Variants in TNS1 observed in about 807,000 individuals in gnomAD.
TNS1 encodes the protein tensin 1.
Under a neutral mutation model 168.6 loss-of-function variants are expected in TNS1, and 62 were observed. The ratio of observed to expected loss-of-function variants is 0.37; its 90% CI spans 0.30 to 0.45. TNS1 has a LOEUF of 0.45. Among genes scored for constraint, TNS1 ranks in the 20% least tolerant of loss-of-function variants. The pLI, the probability that TNS1 is intolerant of heterozygous loss-of-function variation, is 1.00. For missense variants in TNS1, 2,240 were observed against 2,339.4 expected, an observed-to-expected ratio of 0.96 and a Z score of 0.88; for synonymous variants, 934 against 933.2, an observed-to-expected ratio of 1.00 and a Z score of -0.02.
intron 6 of TNS1, chr2:217,901,584 CT>C (rs1952985819): frequency 6.6e-6 from 1 of 152,224 alleles, no homozygotes; most frequent in Admixed American, 6.5e-5. Context: ...CCATTGACAC[CT>C]TCCAAACACC....
At chr2:218,014,245 G>A (rs372822423), upstream of TNS1, among the ~76,000 whole-genome samples, 25 of 152,252 alleles carry the variant, frequency 1.6e-4, no homozygotes, top group East Asian at 3.5e-3. Flanking sequence ...CACTCCCCGG[G>A]GACCCCCCAG....
chr2:217,896,260 G>A (rs1427919981), intron 8 of TNS1, among the ~76,000 whole-genome samples: 2 of 152,196 alleles, frequency 1.3e-5, no homozygotes, highest in African/African-American at 2.4e-5. Context: ...TAACAGGTGG[G>A]TCTCTATAGT....
chr2:218,023,713 A>G (rs1016759749), intron 1 of TNS1, among the ~76,000 whole-genome samples: 2 of 152,202 alleles, frequency 1.3e-5, no homozygotes, highest in Non-Finnish European at 2.9e-5. Context: ...ACGGAGGCTC[A>G]CAGTATCAGT....
chr2:217,823,178 C>A (rs1559172543), intron 22 of TNS1, among the ~76,000 whole-genome samples: 1 of 152,204 alleles, frequency 6.6e-6, no homozygotes, highest in African/African-American at 2.4e-5. Flanking sequence ...GGCCAGTACA[C>A]TTTTTTGTAA....
Position 217,818,271 on chromosome 2 carries a change from G to A in TNS1, c.4061C>T (p.Pro1354Leu), listed in dbSNP as rs779890703. 6.2e-7 allele frequency: 1 copy of A among 1,613,580 alleles called. No individual in the cohort carries two copies. Among genetic ancestry groups the A allele is most frequent in the Admixed American group, 1.7e-5 (1 of 60,002 alleles). Reference protein sequence around the residue: ...TPGSPSLCRHPAGVYQVSGLH... With the variant: ...TPGSPSLCRHLAGVYQVSGLH... Reference sequence around the variant, plus strand: ...GCCAGAAACCTGGTAGACCCCTGCTGGGTGCCGACACAGGCTGGGGCTCCC... The same window carrying A: ...GCCAGAAACCTGGTAGACCCCTGCTAGGTGCCGACACAGGCTGGGGCTCCC... Residue 1354 changes from proline (P) to leucine (L), a missense_variant, in exon 24 of 33, where the codon CCA becomes CTA. Physicochemically the swap from Pro to Leu is moderately conservative, Grantham distance 98. Around this residue, in one of 2 missense-constraint regions of TNS1, gnomAD observed 2,131 missense variants for 2,171.2 expected, o/e 0.98. Coordinates refer to ENST00000682258, the MANE Select transcript of TNS1 (RefSeq NM_001387777.1).
In TNS1 at chr2:217,892,896, G is replaced by A. The variant is rs1156788773; in HGVS notation, c.782+52C>T. 1.9e-6 allele frequency: 3 copies of A among 1,581,088 alleles called. No individual in the cohort carries two copies. In the Admixed American group the frequency reaches 5.0e-5, roughly 26 times the overall value. On this transcript the variant is annotated intron_variant, in intron 11 of 32. Transcript: ENST00000682258. ...AGAGGCTGTGGGTGGATGAGAGGAG[G>A]GGGGTCACACTGTCGATGTTCAGAG...
chr2:217,987,356 A>T lies in TNS1; in HGVS notation c.148+3586T>A, dbSNP rs536409138. Among the ~76,000 whole-genome samples the T allele has an allele frequency of 1.8e-3, 281 of 152,236 alleles. 5 individuals are homozygous for T. In the South Asian group the frequency reaches 0.02, roughly 11 times the overall value. On this transcript the variant is annotated intron_variant, in intron 2 of 32. Transcript: ENST00000682258. ...TCCGGAGGAACCCCTTTGCCTGTACATCTATGACGCCCGCATGTCCACCCT... is the reference window on the plus strand; with the variant it reads ...TCCGGAGGAACCCCTTTGCCTGTACTTCTATGACGCCCGCATGTCCACCCT...
chr2:217,950,655 C>T (rs747085243), intron 3 of TNS1, among the ~76,000 whole-genome samples: 3 of 149,908 alleles, frequency 2.0e-5, no homozygotes, highest in Admixed American at 6.7e-5. Flanking sequence ...CTATGGAGAC[C>T]GATCCTAGCC....
rs753819182 is a variant in TNS1 at position 217,804,444 on chromosome 2, G to A, written c.*15C>T. On this transcript the variant is annotated 3_prime_UTR_variant, in exon 33 of 33. Coordinates refer to ENST00000682258, the MANE Select transcript of TNS1 (RefSeq NM_001387777.1). ...CCCCTTCCCCATGGCACTGGCCCTG[G>A]GCAAGGGGCAGGGTTCATCTCTTTT... 2.5e-6 allele frequency: 4 copies of A among 1,613,850 alleles called. No individual in the cohort carries two copies. Among genetic ancestry groups the A allele is most frequent in the Non-Finnish European group, 3.4e-6 (4 of 1,179,916 alleles).
In TNS1 at chr2:217,821,856, A is replaced by G. The variant is rs1942910306; in HGVS notation, c.3456T>C (p.Ser1152=). Residue 1152 remains serine, a synonymous_variant, in exon 23 of 33, where the codon AGT becomes AGC. Transcript: ENST00000682258. ...RAQDSEPKSF[S]APATQAYGHE... ...GGCCATAGGCCTGGGTGGCTGGAGC[A>G]CTAAAGCTCTTGGGCTCAGAGTCCT... The G allele has an allele frequency of 6.3e-7, 1 of 1,587,088 alleles. No individual in the cohort carries two copies. Among genetic ancestry groups the G allele is most frequent in the Non-Finnish European group, 8.6e-7 (1 of 1,167,764 alleles).
chr2:218,030,934 CATAAGT>C (rs1337042424), intron 1 of TNS1, among the ~76,000 whole-genome samples: 6 of 151,764 alleles, frequency 4.0e-5, no homozygotes, highest in South Asian at 4.2e-4. Flanking sequence ...AGTGTGTGAG[CATAAGT>C]ATGAGTGTGT....
At chr2:217,921,287 G>C (rs916648733) in intron 3 of TNS1, among the ~76,000 whole-genome samples, 2 of 152,182 alleles carry the variant, frequency 1.3e-5, no homozygotes, top group African/African-American at 4.8e-5. Flanking sequence ...TGTCCCTCGG[G>C]CATGAGGTTA....
At chr2:217,968,888 T>G (rs1246482206) in intron 3 of TNS1, among the ~76,000 whole-genome samples, 1 of 152,044 alleles carries the variant, frequency 6.6e-6, no homozygotes, top group Non-Finnish European at 1.5e-5. Flanking sequence ...AGAGATGGGG[T>G]TTCACCATGT....
At chr2:218,012,584 C>T (rs1436415015), upstream of TNS1, among the ~76,000 whole-genome samples, 1 of 152,162 alleles carries the variant, frequency 6.6e-6, no homozygotes, top group African/African-American at 2.4e-5. Context: ...GACCTGAAGC[C>T]AGGCCTGCCA....
chr2:217,950,821 C>T (rs1957222664), intron 3 of TNS1, among the ~76,000 whole-genome samples: 1 of 151,746 alleles, frequency 6.6e-6, no homozygotes. Flanking sequence ...CAGCACCTTC[C>T]TTCCCCTCCC....
At chr2:217,952,084 C>T (rs1247532679) in intron 3 of TNS1, among the ~76,000 whole-genome samples, 1 of 152,220 alleles carries the variant, frequency 6.6e-6, no homozygotes, top group Non-Finnish European at 1.5e-5. Context: ...GGAACAAACA[C>T]AAACACACAA....
At chr2:217,874,023 A>AACACACACACAC (rs3838561) in intron 18 of TNS1, among the ~76,000 whole-genome samples, 4 of 111,478 alleles carry the variant, frequency 3.6e-5, no homozygotes, top group African/African-American at 1.4e-4. Context: ...CCCCCCAACC[A>AACACACACACAC]ACACACACAC....
chr2:218,013,881 T>C (rs1231314903), upstream of TNS1, among the ~76,000 whole-genome samples: 1 of 152,158 alleles, frequency 6.6e-6, no homozygotes, highest in East Asian at 1.9e-4. Context: ...CCAGGTGGGA[T>C]GGAGTCCATG....
At chr2:217,965,511 G>A (rs926140616) in intron 3 of TNS1, among the ~76,000 whole-genome samples, 1 of 152,190 alleles carries the variant, frequency 6.6e-6, no homozygotes, top group Non-Finnish European at 1.5e-5. Context: ...GAAGTGGGTA[G>A]TTCTAGGTCA....
Sources: gnomAD v4.1 joint callset for allele counts (sites outside exome capture counted in the v4.1 genomes callset) on GRCh38, gnomAD v4.1.1 for gene constraint, gnomAD v4.1.1 regional missense constraint, MANE v1.5 for transcripts, NCBI Gene and HGNC (gene_info 2026-07-23, HGNC 2026-07-21) for gene names.